The following INO80D variants were observed in gnomAD, a reference collection of about 807,000 sequenced individuals.
INO80D encodes the protein INO80 complex subunit D.
In INO80D, 21 loss-of-function variants were observed where a neutral mutation model predicts 87.6. The ratio of observed to expected loss-of-function variants is 0.24; its 90% confidence interval spans 0.17 to 0.35. The LOEUF (loss-of-function observed/expected upper bound fraction) is 0.35, where lower values mean the gene tolerates loss of function less well. Ranked by LOEUF, INO80D falls within the 10% of genes least tolerant of loss-of-function variation. The pLI, the probability that INO80D is intolerant of heterozygous loss-of-function variation, is 1.00. For missense variants in INO80D, 982 were observed against 1,280.7 expected (o/e 0.77, Z 3.56); for synonymous variants, 440 against 491.0 (o/e 0.90, Z 1.37).
chr2:206,032,587 A>G (rs1358908815), intron 5 of INO80D, among the ~76,000 whole-genome samples: 1 of 152,234 alleles, frequency 6.6e-6, no homozygotes, highest in Non-Finnish European at 1.5e-5. Context: ...CAGATAACCT[A>G]TAAAGAAAAC....
rs116675156 is a variant in INO80D, at chr2:206,077,538, T to C, written c.-124+8363A>G. On this transcript the variant is annotated intron_variant, in intron 1 of 10. Coordinates refer to ENST00000403263, the MANE Select transcript of INO80D (RefSeq NM_017759.5). ...GAGCACTTAAATACTAATGTTCTTG[T>C]GATGGAAAACACTAGCAGAATGAGC... Among the ~76,000 whole-genome samples, 267 of 152,326 alleles carry C rather than the reference T, an allele frequency of 1.8e-3. 1 individual carries two copies. The highest frequency in any genetic ancestry group is 2.9e-3 in the Non-Finnish European group (194 of 68,030).
At chr2:206,054,076 G>A (rs1279865392) in intron 4 of INO80D, among the ~76,000 whole-genome samples, 2 of 152,082 alleles carry the variant, frequency 1.3e-5, no homozygotes, top group African/African-American at 2.4e-5. Context: ...CTGACCTCAG[G>A]TGATTCACCG....
At chr2:206,084,965 G>A (rs1690396250) in intron 1 of INO80D, among the ~76,000 whole-genome samples, 2 of 152,216 alleles carry the variant, frequency 1.3e-5, no homozygotes, top group Admixed American at 1.3e-4. Flanking sequence ...GGCTCTAGGG[G>A]GAAGGGGCTG....
intron 5 of INO80D, among the ~76,000 whole-genome samples, chr2:206,035,358 T>G (rs1688865767): frequency 6.7e-6 from 1 of 149,612 alleles, no homozygotes. Flanking sequence ...AAGGCCACAG[T>G]CACCAAAAAA....
chr2:206,005,028 G>A lies in INO80D; in HGVS notation c.2424C>T (p.Asp808=). The change falls in exon 11 of 11, where the codon GAC becomes GAT. Residue 808 remains aspartate, a synonymous_variant. Transcript: ENST00000403263. ...TGTATTGCTGTCGTGAGGTGATTAGGTCATCTGCCTTGCTCAGCAGCTGGG... is the reference window on the plus strand; with the variant it reads ...TGTATTGCTGTCGTGAGGTGATTAGATCATCTGCCTTGCTCAGCAGCTGGG... ...HPAQLLSKAD[D]LITSRQQYSS... 1 of 1,613,960 alleles carries A rather than the reference G, an allele frequency of 6.2e-7. No individual in the cohort carries two copies. Among genetic ancestry groups the A allele is most frequent in the Non-Finnish European group, 8.5e-7 (1 of 1,179,864 alleles).
At chr2:206,021,013 AAAAAAG>A (rs1390641650) in intron 6 of INO80D, among the ~76,000 whole-genome samples, 15 of 152,098 alleles carry the variant, frequency 9.9e-5, no homozygotes, top group Non-Finnish European at 2.1e-4. Flanking sequence ...TCTCTATTGA[AAAAAAG>A]AAAAAGAAAA....
chr2:206,022,784 GCT>G (rs1246794173), intron 6 of INO80D, among the ~76,000 whole-genome samples: 1 of 152,116 alleles, frequency 6.6e-6, no homozygotes, highest in East Asian at 1.9e-4. Context: ...TGCAATCTCA[GCT>G]CACTGCAAGT....
At chr2:206,074,945 A>G (rs1690071445) in intron 1 of INO80D, among the ~76,000 whole-genome samples, 2 of 151,370 alleles carry the variant, frequency 1.3e-5, no homozygotes, top group Non-Finnish European at 2.9e-5. Flanking sequence ...ATCTCGAGGC[A>G]GGAGAATCGC....
At chr2:206,018,339 T>G (rs1473516482) in intron 7 of INO80D, among the ~76,000 whole-genome samples, 1 of 152,104 alleles carries the variant, frequency 6.6e-6, no homozygotes, top group Non-Finnish European at 1.5e-5. Context: ...AGAGACAGGG[T>G]TTCACCATAT....
At chr2:206,057,443 G>A (rs943120019) in intron 3 of INO80D, among the ~76,000 whole-genome samples, 10 of 152,158 alleles carry the variant, frequency 6.6e-5, no homozygotes, top group African/African-American at 2.4e-4. Flanking sequence ...GAGAAAGAGA[G>A]AGAGAATGAA....
chr2:206,040,648 G>C (rs1689023158), intron 5 of INO80D: 1 of 231,872 alleles, frequency 4.3e-6, no homozygotes, highest in Non-Finnish European at 9.4e-6. Flanking sequence ...CGAGTCTTTT[G>C]TGAAGGTTTA....
intron 4 of INO80D, among the ~76,000 whole-genome samples, chr2:206,054,045 G>A (rs2105878187): frequency 6.6e-6 from 1 of 152,138 alleles, no homozygotes; most frequent in South Asian, 2.1e-4. Flanking sequence ...TTGCCATATT[G>A]GCCAGGCTGG....
chr2:206,004,856 T>C lies in INO80D; in HGVS notation c.2596A>G (p.Ile866Val), dbSNP rs777129041. The change falls in exon 11 of 11, where the codon ATC becomes GTC. Residue 866 changes from isoleucine (I) to valine (V), a missense_variant. By Grantham distance (29) the Ile-to-Val change is conservative. Coordinates refer to ENST00000403263, the MANE Select transcript of INO80D (RefSeq NM_017759.5). This position sits in a 1 kb window ranked among gnomAD's most constrained non-coding sequence, Gnocchi z 4.9. The stretch of plus-strand genomic sequence containing the variant: ...GTTGGGAGCAAGTGCTGCGCCATGA[T>C]GGGCATCTCTGCTGAAAAGGTAGCT... The part of the protein sequence containing the change: ...MAATFSAEMP[I>V]MAQHLLPTQL... 2 of 1,614,030 alleles carry C rather than the reference T, an allele frequency of 1.2e-6. No homozygotes were observed. The highest frequency in any genetic ancestry group is 1.1e-5 in the South Asian group (1 of 91,088).
intron 1 of INO80D, among the ~76,000 whole-genome samples, chr2:206,084,152 G>A (rs1008100743): frequency 1.3e-5 from 2 of 149,762 alleles, no homozygotes; most frequent in African/African-American, 2.5e-5. Flanking sequence ...GAAAACATAC[G>A]TGTGTGTGTA....
rs960731201 is a variant in INO80D, at chr2:205,998,391, T to C, written c.*5977A>G. 6.9e-6 allele frequency: 1 copy of C among 145,788 alleles called. No individual in the cohort carries two copies. The highest frequency in any genetic ancestry group is 2.2e-4 in the South Asian group (1 of 4,636). The allele number at this position is 145,788 out of a possible 1,614,324, so 9.0% of individuals were successfully genotyped here. On this transcript the variant is annotated 3_prime_UTR_variant, in exon 11 of 11. Transcript: ENST00000403263. ...TATCTGCAAGGTAGCAAAGGATAGC[T>C]ATACACCTTGACACGGCAGAGATCC...
intron 10 of INO80D, 40 bp from the exon 11 acceptor site, chr2:206,005,573 AC>A: frequency 7.0e-7 from 1 of 1,430,272 alleles, no homozygotes; most frequent in Non-Finnish European, 9.7e-7. Flanking sequence ...TAGAGCTTTT[AC>A]CAGTTCTACA....
At position 206,019,844 on chromosome 2, in the gene INO80D, T is replaced by C. The variant is rs770510485; in HGVS notation, c.1300A>G (p.Ile434Val). 9.6e-5 allele frequency: 155 copies of C among 1,612,526 alleles called. No homozygotes were observed. The highest frequency in any genetic ancestry group is 1.3e-4 in the Non-Finnish European group (149 of 1,179,334). The change falls in exon 7 of 11, where the codon ATA (isoleucine) becomes GTA (valine). Residue 434 changes from isoleucine to valine, a missense_variant and splice_region_variant. Coordinates refer to ENST00000403263, the MANE Select transcript of INO80D (RefSeq NM_017759.5). ...LRRAACSRTS[I>V]SRTKLREVEP... ...ACCTCCCTCAGCTTGGTCCGGCTTA[T>C]GCTAAGGAAAGAAAAACAGAGAATT...
chr2:206,084,246 C>CAT (rs1690369490), intron 1 of INO80D, among the ~76,000 whole-genome samples: 1 of 126,314 alleles, frequency 7.9e-6, no homozygotes, highest in Non-Finnish European at 1.6e-5. Context: ...TACATACACA[C>CAT]ACACACACAC....
chr2:206,042,506 A>T (rs1010911249), intron 5 of INO80D, among the ~76,000 whole-genome samples: 1 of 151,828 alleles, frequency 6.6e-6, no homozygotes, highest in Non-Finnish European at 1.5e-5. Flanking sequence ...ACATGGTGAA[A>T]CCCTGTCTCT....
Sources: allele counts gnomAD v4.1 joint callset (sites outside exome capture counted in the v4.1 genomes callset), GRCh38; gene constraint gnomAD v4.1.1; non-coding constraint Gnocchi (gnomAD v3.1); transcripts MANE v1.5; gene names NCBI Gene and HGNC (gene_info 2026-07-23, HGNC 2026-07-21).